CEP112: variants seen among roughly 807,000 people sequenced by gnomAD.
CEP112 encodes centrosomal protein of 112 kDa.
CEP112 carries 127 observed loss-of-function variants against 153.0 expected under a neutral mutation model. The ratio of observed to expected loss-of-function variants is 0.83; its 90% CI spans 0.72 to 0.96. The LOEUF (loss-of-function observed/expected upper bound fraction) is 0.96, where lower values mean the gene tolerates loss of function less well. CEP112 is among the 40% of genes least tolerant of loss of function. CEP112 has a pLI of 0.00. For synonymous variants in CEP112, 358 were observed against 374.4 expected, an observed-to-expected ratio of 0.96 and a Z score of 0.51; for missense variants, 1,089 against 1,101.2, an observed-to-expected ratio of 0.99 and a Z score of 0.16.
At chr17:66,145,103 G>T (rs1393245130) in intron 4 of CEP112, among the ~76,000 whole-genome samples, 1 of 152,056 alleles carries the variant, frequency 6.6e-6, no homozygotes, top group Non-Finnish European at 1.5e-5. Context: ...GTATGCAGTG[G>T]TATCACACTG....
chr17:65,711,077 C>T (rs1374028329), intron 23 of CEP112, among the ~76,000 whole-genome samples: 4 of 152,156 alleles, frequency 2.6e-5, no homozygotes, highest in South Asian at 2.1e-4. Flanking sequence ...TCTCTAGCAG[C>T]GTGGCTGGAG....
rs776002010 is a variant in CEP112 at position 66,029,134 on chromosome 17, A to G, written c.1492T>C (p.Ser498Pro). ...AACATAAATAATACCTTAGAAGCTG[A>G]AAGAGCATGTTCTTGTTTTAGAAGG... ...INLLKQEHALSASKASSMIEE... is the reference protein window; with the variant it reads ...INLLKQEHALPASKASSMIEE... The change falls in exon 14 of 27, where the codon TCA becomes CCA. Residue 498 changes from serine to proline, a missense_variant. Physicochemically the swap from Ser to Pro is moderately conservative, Grantham distance 74 (BLOSUM62 -1). Coordinates refer to ENST00000535342, the MANE Select transcript of CEP112 (RefSeq NM_001199165.4). 1 of 1,600,796 alleles carries G rather than the reference A, an allele frequency of 6.2e-7. No individual in the cohort carries two copies. Among genetic ancestry groups the G allele is most frequent in the East Asian group, 2.2e-5 (1 of 44,682 alleles).
intron 10 of CEP112, among the ~76,000 whole-genome samples, chr17:66,065,630 T>A (rs2069442495): frequency 3.6e-5 from 1 of 28,022 alleles, no homozygotes; most frequent in East Asian, 0.045. Flanking sequence ...TTTTAAAATC[T>A]TTTTTTTTTT....
At chr17:65,778,930 G>T (rs948052817) in intron 21 of CEP112, among the ~76,000 whole-genome samples, 5 of 152,038 alleles carry the variant, frequency 3.3e-5, no homozygotes, top group Admixed American at 6.6e-5. Flanking sequence ...AGCCCAGGAG[G>T]TGGAGCCTAT....
At chr17:65,826,313 C>T (rs1568076180) in intron 21 of CEP112, 1 of 1,613,942 alleles carries the variant, frequency 6.2e-7, no homozygotes, top group Admixed American at 1.7e-5. Flanking sequence ...CGTTGACCCC[C>T]ATTAAGATCT....
intron 17 of CEP112, among the ~76,000 whole-genome samples, chr17:66,002,688 G>T (rs958849923): frequency 6.6e-6 from 1 of 151,904 alleles, no homozygotes; most frequent in East Asian, 1.9e-4. Context: ...AAAGTATTTT[G>T]CTTTATACAG....
intron 4 of CEP112, among the ~76,000 whole-genome samples, chr17:66,159,429 A>G (rs527952867): frequency 2.7e-4 from 41 of 152,358 alleles, no homozygotes; most frequent in South Asian, 8.3e-4. Context: ...ATCCCTGATG[A>G]ACATCGATGC....
At chr17:65,755,077 TTAAAA>T (rs1383621353) in intron 21 of CEP112, among the ~76,000 whole-genome samples, 18 of 151,954 alleles carry the variant, frequency 1.2e-4, no homozygotes, top group East Asian at 3.9e-4. Flanking sequence ...AGCCCAGAAC[TTAAAA>T]TAAAAGTTGA....
intron 24 of CEP112, among the ~76,000 whole-genome samples, chr17:65,681,671 T>C (rs1348577192): frequency 7.1e-6 from 1 of 140,480 alleles, no homozygotes; most frequent in Non-Finnish European, 1.5e-5. Flanking sequence ...TTTTCCTTTT[T>C]TTAATTTTTT....
At chr17:65,889,772 C>T (rs1167949940) in intron 20 of CEP112, among the ~76,000 whole-genome samples, 3 of 152,046 alleles carry the variant, frequency 2.0e-5, no homozygotes, top group Non-Finnish European at 4.4e-5. Flanking sequence ...GCATGTCAAA[C>T]CATAACTCAA....
At chr17:65,681,162 G>A (rs573927656) in intron 24 of CEP112, among the ~76,000 whole-genome samples, 54 of 152,274 alleles carry the variant, frequency 3.5e-4, no homozygotes, top group African/African-American at 1.1e-3. Flanking sequence ...TTCAACAAGC[G>A]CTGGTGGATG....
intron 8 of CEP112, among the ~76,000 whole-genome samples, chr17:66,088,971 G>A (rs1330153296): frequency 4.6e-5 from 7 of 152,136 alleles, no homozygotes; most frequent in African/African-American, 1.4e-4. Flanking sequence ...GCTAGCCCTG[G>A]TGGATACATA....
chr17:65,744,846 A>T (rs1418394851), intron 22 of CEP112, among the ~76,000 whole-genome samples: 2 of 152,208 alleles, frequency 1.3e-5, no homozygotes, highest in Admixed American at 1.3e-4. Flanking sequence ...GACTTTTTAA[A>T]AGCAGGAAAT....
intron 23 of CEP112, among the ~76,000 whole-genome samples, chr17:65,707,917 A>G (rs944007930): frequency 2.6e-5 from 4 of 152,340 alleles, no homozygotes; most frequent in Non-Finnish European, 5.9e-5. Context: ...AGTCAAAAAT[A>G]TATTATTAAG....
intron 20 of CEP112, among the ~76,000 whole-genome samples, chr17:65,854,912 C>T (rs1292023261): frequency 2.6e-5 from 4 of 152,196 alleles, no homozygotes; most frequent in Non-Finnish European, 4.4e-5. Context: ...AACAGATAGA[C>T]TTTAGCAGTG....
intron 21 of CEP112, among the ~76,000 whole-genome samples, chr17:65,789,086 C>T (rs2054445773): frequency 6.6e-6 from 1 of 152,178 alleles, no homozygotes; most frequent in Non-Finnish European, 1.5e-5. Context: ...TACCCAGATC[C>T]AGACACCTCT....
chr17:65,763,109 A>G (rs1338501744), intron 21 of CEP112, among the ~76,000 whole-genome samples: 1 of 152,020 alleles, frequency 6.6e-6, no homozygotes, highest in Non-Finnish European at 1.5e-5. Context: ...TTTTCTCTCA[A>G]CACTTGAGAT....
rs139718248 is a variant in CEP112 at position 65,719,224 on chromosome 17, C to T, written c.2607+23844G>A. Among the ~76,000 whole-genome samples the T allele has an allele frequency of 4.9e-4, 74 of 152,260 alleles. 1 individual carries two copies. In the East Asian group the frequency reaches 0.013, roughly 26 times the overall value. On this transcript the variant is annotated intron_variant, in intron 23 of 26. Transcript: ENST00000535342. ...GTGGGAGGTGCAACAGCACCCAGTC[C>T]GTTGCATCTGGCTCTACTACAGCAG...
chr17:65,982,015 T>C (rs2063246019), intron 17 of CEP112, among the ~76,000 whole-genome samples: 1 of 152,162 alleles, frequency 6.6e-6, no homozygotes, highest in Non-Finnish European at 1.5e-5. Flanking sequence ...TGTAACTTTC[T>C]GGGTATAAGA....
Sources: allele counts gnomAD v4.1 joint callset (sites outside exome capture counted in the v4.1 genomes callset), GRCh38; gene constraint gnomAD v4.1.1; transcripts MANE v1.5; gene names NCBI Gene and HGNC (gene_info 2026-07-23, HGNC 2026-07-21).